Variants in PDZRN4 observed in about 807,000 individuals in gnomAD.
The protein encoded by PDZRN4 is PDZ domain containing ring finger 4, also known as PDZ domain-containing RING finger protein 4.
Under a neutral mutation model 99.0 loss-of-function variants are expected in PDZRN4, and 70 were observed. The ratio of observed to expected loss-of-function variants is 0.71; its 90% CI spans 0.58 to 0.86. PDZRN4 has a LOEUF of 0.86. Among genes scored for constraint, PDZRN4 ranks in the 40% least tolerant of loss-of-function variants. The probability of loss-of-function intolerance (pLI) is 0.00; values close to 1 mark genes in which losing one functional copy is unlikely to be tolerated. For synonymous variants in PDZRN4, 551 were observed against 501.6 expected (o/e 1.10, Z -1.32); for missense variants, 1,474 against 1,331.2 (o/e 1.11, Z -1.67).
intron 3 of PDZRN4, among the ~76,000 whole-genome samples, chr12:41,410,783 A>C (rs1592049140): frequency 6.6e-6 from 1 of 152,134 alleles, no homozygotes; most frequent in East Asian, 1.9e-4. Flanking sequence ...AACATGACGA[A>C]ATGCCTTTTC....
chr12:41,331,238 G>A (rs765662973), intron 3 of PDZRN4, among the ~76,000 whole-genome samples: 1 of 152,042 alleles, frequency 6.6e-6, no homozygotes, highest in Non-Finnish European at 1.5e-5. Flanking sequence ...TTATTCTACT[G>A]CATTAAGACC....
intron 3 of PDZRN4, among the ~76,000 whole-genome samples, chr12:41,409,087 C>T (rs970079416): frequency 1.5e-4 from 23 of 152,058 alleles, no homozygotes; most frequent in African/African-American, 3.4e-4. Context: ...CTAAATGTAA[C>T]AATAGAGATA....
chr12:41,508,630 G>A (rs753500976), intron 4 of PDZRN4, among the ~76,000 whole-genome samples: 18 of 152,254 alleles, frequency 1.2e-4, no homozygotes, highest in Non-Finnish European at 1.6e-4. Flanking sequence ...AGGGCTATGC[G>A]GACCCAGTCC....
chr12:41,239,435 C>G (rs1951089279), intron 3 of PDZRN4, among the ~76,000 whole-genome samples: 1 of 152,054 alleles, frequency 6.6e-6, no homozygotes, highest in Non-Finnish European at 1.5e-5. Flanking sequence ...TTACCCATGT[C>G]ACAAACATGC....
At chr12:41,308,249 G>T (rs1003197950) in intron 3 of PDZRN4, among the ~76,000 whole-genome samples, 2 of 152,012 alleles carry the variant, frequency 1.3e-5, no homozygotes, top group Non-Finnish European at 2.9e-5. Context: ...AATGGAAAAG[G>T]TAAAAGCATT....
At chr12:41,285,108 CT>C (rs1555125180) in intron 3 of PDZRN4, among the ~76,000 whole-genome samples, 1 of 152,052 alleles carries the variant, frequency 6.6e-6, no homozygotes, top group Non-Finnish European at 1.5e-5. Context: ...ATCTATCCAT[CT>C]GACAAAGGGC....
chr12:41,242,554 T>C (rs1426036194), intron 3 of PDZRN4, among the ~76,000 whole-genome samples: 1 of 152,192 alleles, frequency 6.6e-6, no homozygotes, highest in Non-Finnish European at 1.5e-5. Flanking sequence ...CAAAGCACTC[T>C]TGTTATTCCA....
In PDZRN4 at chr12:41,371,624, C is replaced by T. The variant is rs79199904; in HGVS notation, c.844-134832C>T. On this transcript the variant is annotated intron_variant, in intron 3 of 9. Transcript: ENST00000402685. Reference sequence around the variant, plus strand: ...TAACTGCCTGAGCTATCATGGCATCCGCTAGAGGGTTTAGCTTTTTTGGTT... The same window carrying T: ...TAACTGCCTGAGCTATCATGGCATCTGCTAGAGGGTTTAGCTTTTTTGGTT... 3.9e-4 allele frequency among the ~76,000 whole-genome samples: 59 copies of T among 152,234 alleles called. 1 individual carries two copies. In the East Asian group the frequency reaches 0.011, roughly 27 times the overall value.
chr12:41,345,746 A>C (rs1323460404), intron 3 of PDZRN4, among the ~76,000 whole-genome samples: 1 of 152,098 alleles, frequency 6.6e-6, no homozygotes, highest in Non-Finnish European at 1.5e-5. Context: ...TCTTGCCCCC[A>C]ATTTTTGTAT....
intron 3 of PDZRN4, among the ~76,000 whole-genome samples, chr12:41,292,599 G>C (rs1951463607): frequency 6.6e-6 from 1 of 152,070 alleles, no homozygotes; most frequent in Non-Finnish European, 1.5e-5. Context: ...ACCCCAGATA[G>C]CCCAGATATT....
chr12:41,216,683 C>T (rs907864766), intron 3 of PDZRN4, among the ~76,000 whole-genome samples: 1 of 151,860 alleles, frequency 6.6e-6, no homozygotes, highest in Non-Finnish European at 1.5e-5. Flanking sequence ...GTATTCTGGG[C>T]CTGTTTATTT....
intron 3 of PDZRN4, among the ~76,000 whole-genome samples, chr12:41,457,181 C>T (rs1390313821): frequency 6.6e-6 from 1 of 152,150 alleles, no homozygotes; most frequent in African/African-American, 2.4e-5. Context: ...AAGTCCACTT[C>T]TCAGCAAATG....
chr12:41,206,322 T>A (rs886296859), intron 3 of PDZRN4, among the ~76,000 whole-genome samples: 1 of 151,920 alleles, frequency 6.6e-6, no homozygotes, highest in Non-Finnish European at 1.5e-5. Flanking sequence ...AGAGTTTCCA[T>A]TAGTCCACAT....
rs1174219828 is a variant in PDZRN4, at chr12:41,338,577, AAGAGAAGACCCAAATAAATAAAATC to A, written c.843+144395_843+144419del. On this transcript the variant is annotated intron_variant, in intron 3 of 9. Transcript: ENST00000402685. The stretch of plus-strand genomic sequence containing the variant: ...AAAACTTCAACTAGACTAAGAAAAA[AAGAGAAGACCCAAATAAATAAAATC>A]AGAGATGAAAATGGAGACATGATAA... 2.0e-5 allele frequency among the ~76,000 whole-genome samples: 3 copies of A among 152,050 alleles called. 1 individual carries two copies. Among genetic ancestry groups the A allele is most frequent in the African/African-American group, 7.2e-5 (3 of 41,456 alleles).
At chr12:41,492,575 G>A (rs995060935) in intron 3 of PDZRN4, among the ~76,000 whole-genome samples, 4 of 152,084 alleles carry the variant, frequency 2.6e-5, no homozygotes, top group Non-Finnish European at 5.9e-5. Flanking sequence ...GTCTCATTCA[G>A]TCATTTAAAA....
At chr12:41,349,233 A>G (rs1009387057) in intron 3 of PDZRN4, among the ~76,000 whole-genome samples, 4 of 151,914 alleles carry the variant, frequency 2.6e-5, no homozygotes, top group Admixed American at 6.6e-5. Flanking sequence ...GTTGTAGATT[A>G]ACTTCTTTTC....
At chr12:41,374,346 T>A (rs1352488491) in intron 3 of PDZRN4, among the ~76,000 whole-genome samples, 1 of 152,126 alleles carries the variant, frequency 6.6e-6, no homozygotes, top group African/African-American at 2.4e-5. Flanking sequence ...CTTGTGTGCA[T>A]GTGGGCAATG....
At chr12:41,195,051 C>G (rs931633331) in intron 3 of PDZRN4, among the ~76,000 whole-genome samples, 2 of 151,854 alleles carry the variant, frequency 1.3e-5, no homozygotes, top group Non-Finnish European at 2.9e-5. Context: ...GGTGAGAACT[C>G]TTTGTATGTT....
intron 3 of PDZRN4, among the ~76,000 whole-genome samples, chr12:41,240,787 G>A (rs543661690): frequency 4.5e-4 from 69 of 152,094 alleles, no homozygotes; most frequent in African/African-American, 1.3e-3. Context: ...TGATATAAGC[G>A]CACTAATCCT....
Sources: allele counts gnomAD v4.1 joint callset (sites outside exome capture counted in the v4.1 genomes callset), GRCh38; gene constraint gnomAD v4.1.1; transcripts MANE v1.5; gene names NCBI Gene and HGNC (gene_info 2026-07-23, HGNC 2026-07-21).